Variants in GP6 observed in about 807,000 individuals in gnomAD.
GP6 encodes platelet glycoprotein VI.
Under a neutral mutation model 37.3 loss-of-function variants are expected in GP6, and 45 were observed. The observed-to-expected ratio is 1.21, with a 90% CI of 0.95 to 1.55. The LOEUF (loss-of-function observed/expected upper bound fraction) is 1.55. Among genes scored for constraint, GP6 ranks in the 40% most tolerant of loss-of-function variants. The pLI, the probability that GP6 is intolerant of heterozygous loss-of-function variation, is 0.00. For synonymous variants in GP6, 340 were observed against 316.4 expected (o/e 1.07, Z -0.79); for missense variants, 813 against 760.2 (o/e 1.07, Z -0.82).
At chr19:55,017,163 C>T (rs1236011448) in intron 6 of GP6, among the ~76,000 whole-genome samples, 1 of 150,322 alleles carries the variant, frequency 6.7e-6, no homozygotes, top group Non-Finnish European at 1.5e-5. Flanking sequence ...GTTGCCCAGG[C>T]TGGAGTGCTG....
intron 1 of GP6, among the ~76,000 whole-genome samples, chr19:55,033,885 G>C (rs554171791): frequency 6.6e-6 from 1 of 152,146 alleles, no homozygotes; most frequent in East Asian, 1.9e-4. Flanking sequence ...ACATTTGCTT[G>C]AATCAGTATT....
intron 7 of GP6, among the ~76,000 whole-genome samples, chr19:55,015,373 C>T (rs1568590608): frequency 6.6e-6 from 1 of 152,218 alleles, no homozygotes. Flanking sequence ...CCTGTGCTCT[C>T]ACAGGGCTCT....
chr19:55,014,911 G>A lies in GP6; in HGVS notation c.1034C>T (p.Pro345Leu). 3 of 1,613,654 alleles carry A rather than the reference G, an allele frequency of 1.9e-6. No individual in the cohort carries two copies. The highest frequency in any genetic ancestry group is 2.5e-6 in the Non-Finnish European group (3 of 1,179,890). ...CTCCCTTGGATACGACCGTGCCTGGGGTTCAGCGGTCATGAACATAACCCG... is the reference window on the plus strand; with the variant it reads ...CTCCCTTGGATACGACCGTGCCTGGAGTTCAGCGGTCATGAACATAACCCG... Residue 345 changes from proline to leucine, a missense_variant, in exon 8 of 8, where the codon CCC becomes CTC. Pro to Leu is a moderately conservative substitution (Grantham distance 98). Coordinates refer to ENST00000310373, the MANE Select transcript of GP6 (RefSeq NM_001083899.2).
chr19:55,021,520 G>GT (rs1555797168), intron 5 of GP6, among the ~76,000 whole-genome samples: 40,272 of 125,620 alleles, frequency 0.32, 7,887 homozygotes, highest in Non-Finnish European at 0.39. Context: ...ACTTTTGTTG[G>GT]TTTTTTTTTT....
intron 6 of GP6, among the ~76,000 whole-genome samples, chr19:55,017,942 C>T (rs1171378046): frequency 6.6e-6 from 1 of 152,024 alleles, no homozygotes; most frequent in African/African-American, 2.4e-5. Flanking sequence ...GTGGCATGCA[C>T]CTATAATCCC....
Position 55,015,712 on chromosome 19 carries a change from G to A in GP6, c.746C>T (p.Ala249Val). 1 of 1,580,736 alleles carries A rather than the reference G, an allele frequency of 6.3e-7. No homozygotes were observed. Among genetic ancestry groups the A allele is most frequent in the South Asian group, 1.1e-5 (1 of 90,458 alleles). ...TGGAGAGTCTGACTCCTTTGGACTG[G>A]CGGTGATACTCCTAGAAGTCTCTGG... is the stretch of plus-strand genomic sequence containing the variant. Residue 249 changes from alanine to valine, a missense_variant, in exon 7 of 8, where the codon GCC becomes GTC. Physicochemically the swap from Ala to Val is moderately conservative, Grantham distance 64 (BLOSUM62 0). Coordinates refer to ENST00000310373, the MANE Select transcript of GP6 (RefSeq NM_001083899.2).
intron 1 of GP6, among the ~76,000 whole-genome samples, chr19:55,036,903 C>G (rs552979978): frequency 6.6e-6 from 1 of 152,032 alleles, no homozygotes; most frequent in Non-Finnish European, 1.5e-5. Flanking sequence ...CCCAACTATT[C>G]GGGAGGCTGA....
intron 5 of GP6, among the ~76,000 whole-genome samples, chr19:55,024,506 C>CT (rs2074232021): frequency 6.6e-6 from 1 of 152,190 alleles, no homozygotes; most frequent in South Asian, 2.1e-4. Context: ...GTGCTTCACT[C>CT]TGAGACACAG....
intron 1 of GP6, among the ~76,000 whole-genome samples, chr19:55,033,188 C>G (rs2074662327): frequency 7.5e-6 from 1 of 133,582 alleles, no homozygotes; most frequent in African/African-American, 2.8e-5. Context: ...GTGTTAGACG[C>G]GGTGGACTCC....
At chr19:55,018,467 ACGC>A (rs985891758) in intron 6 of GP6, among the ~76,000 whole-genome samples, 182 bp downstream of exon 6, 3 of 152,184 alleles carry the variant, frequency 2.0e-5, no homozygotes, top group African/African-American at 4.8e-5. Context: ...ATCACCCAAA[ACGC>A]TCCTCCTTCT....
intron 1 of GP6, 51 bp downstream of exon 1, chr19:55,038,152 C>T (rs374341588): frequency 1.7e-5 from 24 of 1,408,102 alleles, no homozygotes; most frequent in Non-Finnish European, 2.1e-5. Flanking sequence ...CTTTGTCTGG[C>T]AGTCCATGCC....
chr19:55,032,808 G>C, intron 1 of GP6: 1 of 606,356 alleles, frequency 1.6e-6, no homozygotes, highest in Non-Finnish European at 3.0e-6. Context: ...GGTGGGAGAG[G>C]AGGGCAAGGC....
At chr19:55,032,779 C>T in intron 1 of GP6, 1 of 621,756 alleles carries the variant, frequency 1.6e-6, no homozygotes, top group Non-Finnish European at 2.9e-6. Context: ...GAGAAGAAAG[C>T]AGATCCATGG....
At chr19:55,037,674 C>T (rs1194905530) in intron 1 of GP6, among the ~76,000 whole-genome samples, 1 of 114,416 alleles carries the variant, frequency 8.7e-6, no homozygotes, top group Non-Finnish European at 1.8e-5. Flanking sequence ...TCTCTGTTGC[C>T]CAGGCTGGAG....
chr19:55,033,227 G>C (rs1371501122), intron 1 of GP6, among the ~76,000 whole-genome samples: 72 of 68,472 alleles, frequency 1.1e-3, no homozygotes, highest in Non-Finnish European at 1.6e-3. Flanking sequence ...CGGTGGACTC[G>C]TTCGTGTTAG....
chr19:55,029,651 A>G, intron 3 of GP6, among the ~76,000 whole-genome samples: 1 of 151,398 alleles, frequency 6.6e-6, no homozygotes, highest in African/African-American at 2.4e-5. Context: ...CGGCCTCCCA[A>G]AGTGCTGGCA....
rs1568644431 is a variant in GP6 at position 55,033,482 on chromosome 19, CGGTGGGCTCGTTCGTGTTGTGTT to C, written c.35-967_35-945del. On this transcript the variant is annotated intron_variant, in intron 1 of 7. Transcript: ENST00000310373. ...GGGCTCGTTCGTGTTGTGTTAGACA[CGGTGGGCTCGTTCGTGTTGTGTT>C]AGACACGGTGGGCTCGTTTGTGTTG... Among the ~76,000 whole-genome samples the C allele has an allele frequency of 1.7e-3, 152 of 91,176 alleles. 1 individual carries two copies. Among genetic ancestry groups the C allele is most frequent in the African/African-American group, 6.0e-3 (146 of 24,466 alleles). The allele number at this position is 91,176 out of a possible 152,430, so 59.8% of individuals were successfully genotyped here. A position where few individuals can be genotyped will look rare whatever the true frequency, so the allele number is the denominator to read the frequency against.
In GP6 at chr19:55,032,320, G is replaced by C. The variant is rs1366255590; in HGVS notation, c.144C>G (p.Cys48Trp). 37 of 1,614,094 alleles carry C rather than the reference G, an allele frequency of 2.3e-5. No individual in the cohort carries two copies. Among genetic ancestry groups the C allele is most frequent in the African/African-American group, 2.7e-5 (2 of 75,066 alleles). Residue 48 changes from cysteine to tryptophan, a missense_variant, in exon 3 of 8, where the codon TGC (cysteine) becomes TGG (tryptophan). Coordinates refer to ENST00000310373, the MANE Select transcript of GP6 (RefSeq NM_001083899.2). ...ACAGGTCCACGCCCGGAGGTCCCTG[G>C]CACCGGAGGGTCACTGGCTTCTCCA...
In GP6 at chr19:55,032,524, GC is replaced by G. The variant is rs2074605681; in HGVS notation, c.48del (p.Arg17ValfsTer28). 1 of 1,613,672 alleles carries G rather than the reference GC, an allele frequency of 6.2e-7. No individual in the cohort carries two copies. Among genetic ancestry groups the G allele is most frequent in the Non-Finnish European group, 8.5e-7 (1 of 1,179,980 alleles). On this transcript the variant is annotated frameshift_variant, in exon 2 of 8. Coordinates refer to ENST00000310373, the MANE Select transcript of GP6 (RefSeq NM_001083899.2). LOFTEE classifies it high-confidence loss of function. ...GACTCACCACTCTGCGCTGGCACACGCCCCAGACACAGCCCTGAGGAAAGAA... is the reference window on the plus strand; with the variant it reads ...GACTCACCACTCTGCGCTGGCACACGCCCAGACACAGCCCTGAGGAAAGAA...
Sources: gnomAD v4.1 joint callset for allele counts (sites outside exome capture counted in the v4.1 genomes callset) on GRCh38, gnomAD v4.1.1 for gene constraint, MANE v1.5 for transcripts, NCBI Gene and HGNC (gene_info 2026-07-23, HGNC 2026-07-21) for gene names.